WWP2: variants seen among roughly 807,000 people sequenced by gnomAD.
WWP2 encodes NEDD4-like E3 ubiquitin-protein ligase WWP2.
In WWP2, 57 loss-of-function variants were observed where a neutral mutation model predicts 121.0. That is an observed-to-expected ratio of 0.47 (90% confidence interval 0.38 to 0.59). WWP2 has a LOEUF of 0.59. WWP2 is among the 20% of genes least tolerant of loss of function. The pLI, the probability that WWP2 is intolerant of heterozygous loss-of-function variation, is 0.00. For missense variants in WWP2, 962 were observed against 1,158.9 expected (o/e 0.83, Z 2.47); for synonymous variants, 449 against 441.3 (o/e 1.02, Z -0.22).
chr16:69,869,287 A>G (rs576873063), intron 6 of WWP2, among the ~76,000 whole-genome samples: 1 of 151,290 alleles, frequency 6.6e-6, no homozygotes, highest in African/African-American at 2.4e-5. Context: ...CTCTGTCTCC[A>G]TTGCCATGCA....
At chr16:69,798,036 C>G (rs536062793) in intron 2 of WWP2, among the ~76,000 whole-genome samples, 2 of 152,226 alleles carry the variant, frequency 1.3e-5, no homozygotes, top group Non-Finnish European at 2.9e-5. Context: ...TGTCTTTACA[C>G]CATGCGTTTT....
intron 6 of WWP2, among the ~76,000 whole-genome samples, chr16:69,848,210 G>A (rs2057123119): frequency 6.6e-6 from 1 of 152,192 alleles, no homozygotes; most frequent in South Asian, 2.1e-4. Flanking sequence ...CAGCGCTTTG[G>A]GAGGCTGAGG....
chr16:69,914,595 G>A (rs550173186), intron 9 of WWP2, among the ~76,000 whole-genome samples: 7 of 152,012 alleles, frequency 4.6e-5, no homozygotes, highest in South Asian at 2.1e-4. Flanking sequence ...CTATCTCTTA[G>A]AAAAACAAAA....
Position 69,940,100 on chromosome 16 carries a change from G to T in WWP2, c.*160G>T, listed in dbSNP as rs2058860081. ...TGCTGGCAGAAAAGCCTGATCCCAG[G>T]AGGCCCTGCAGTTCCCCCGACCCGC... On this transcript the variant is annotated 3_prime_UTR_variant, in exon 24 of 24. Transcript: ENST00000359154. 1 of 637,440 alleles carries T rather than the reference G, an allele frequency of 1.6e-6. No homozygotes were observed. Among genetic ancestry groups the T allele is most frequent in the African/African-American group, 1.8e-5 (1 of 54,436 alleles). The allele number at this position is 637,440 out of a possible 1,614,324, so 39.5% of individuals were successfully genotyped here. A position where few individuals can be genotyped will look rare whatever the true frequency, so the allele number is the denominator to read the frequency against.
Position 69,888,103 on chromosome 16 carries a change from A to C in WWP2, c.768A>C (p.Pro256=), listed in dbSNP as rs1237486707. ...EEPSVVGVTS[P]PAAPLSVTPN... Reference sequence around the variant, plus strand: ...CTTCCGTTGTTGGTGTGACGTCCCCACCTGCTGCACCCTTGAGTGTGACCC... The same window carrying C: ...CTTCCGTTGTTGGTGTGACGTCCCCCCCTGCTGCACCCTTGAGTGTGACCC... Residue 256 remains proline (P), a synonymous_variant, in exon 8 of 24, where the codon CCA becomes CCC. Coordinates refer to ENST00000359154, the MANE Select transcript of WWP2 (RefSeq NM_001270454.2). The C allele has an allele frequency of 3.1e-6, 5 of 1,614,202 alleles. No homozygotes were observed. Among genetic ancestry groups the C allele is most frequent in the Admixed American group, 1.7e-5 (1 of 60,022 alleles).
At chr16:69,909,402 T>C in intron 9 of WWP2, 1 of 985,844 alleles carries the variant, frequency 1.0e-6, no homozygotes, top group Non-Finnish European at 1.2e-6. Flanking sequence ...ACACTTCCCC[T>C]GCCCTGAGTT....
At position 69,937,423 on chromosome 16, in the gene WWP2, C is replaced by A; in HGVS notation, c.2239-125C>A. On this transcript the variant is annotated intron_variant, in intron 20 of 23. Coordinates refer to ENST00000359154, the MANE Select transcript of WWP2 (RefSeq NM_001270454.2). The surrounding 1 kb of genome is among the most constrained non-coding windows in gnomAD (Gnocchi z 6.6). ...TCAAGAAAGCAGGGACTTACATTACCCATATTATTAACGCTGACACCAAAA... is the reference window on the plus strand; with the variant it reads ...TCAAGAAAGCAGGGACTTACATTACACATATTATTAACGCTGACACCAAAA... 7.4e-7 allele frequency: 1 copy of A among 1,347,136 alleles called. No homozygotes were observed. 83.4% of individuals were successfully genotyped at this position (1,347,136 alleles called of 1,614,324 possible). A position where few individuals can be genotyped will look rare whatever the true frequency, so the allele number is the denominator to read the frequency against.
At chr16:69,915,759 T>C (rs994078724) in intron 9 of WWP2, among the ~76,000 whole-genome samples, 2 of 151,984 alleles carry the variant, frequency 1.3e-5, no homozygotes, top group South Asian at 4.1e-4. Context: ...TCGGGCCGGG[T>C]GCAGGGGCTC....
chr16:69,871,327 G>A (rs2057632773), intron 6 of WWP2, among the ~76,000 whole-genome samples: 1 of 152,184 alleles, frequency 6.6e-6, no homozygotes, highest in African/African-American at 2.4e-5. Flanking sequence ...CATATGCATT[G>A]ACTAAAAGTT....
intron 1 of WWP2, among the ~76,000 whole-genome samples, chr16:69,775,402 G>A (rs187373234): frequency 8.5e-4 from 129 of 152,222 alleles, no homozygotes; most frequent in Middle Eastern, 6.8e-3. Flanking sequence ...ATGTTTTGGG[G>A]TAAGGTATCT....
At chr16:69,923,501 CAGTAA>C (rs2058594748) in intron 10 of WWP2, among the ~76,000 whole-genome samples, 2 of 152,086 alleles carry the variant, frequency 1.3e-5, no homozygotes, top group Non-Finnish European at 2.9e-5. Context: ...GGGAGACTGT[CAGTAA>C]AGACCTTTTT....
At chr16:69,896,078 G>A (rs1446351291) in intron 8 of WWP2, among the ~76,000 whole-genome samples, 1 of 152,170 alleles carries the variant, frequency 6.6e-6, no homozygotes, top group Non-Finnish European at 1.5e-5. Context: ...TTCACCTTAT[G>A]TGTATGTATT....
At chr16:69,765,155 C>A (rs1567650568) in intron 1 of WWP2, among the ~76,000 whole-genome samples, 1 of 151,922 alleles carries the variant, frequency 6.6e-6, no homozygotes, top group African/African-American at 2.4e-5. Flanking sequence ...TGTGATCGTG[C>A]CACTCATTGC....
chr16:69,814,157 T>C (rs1451121117), intron 4 of WWP2, among the ~76,000 whole-genome samples: 1 of 151,678 alleles, frequency 6.6e-6, no homozygotes, highest in Non-Finnish European at 1.5e-5. Context: ...AAATGTGGGG[T>C]CGTTTGTTTG....
intron 6 of WWP2, among the ~76,000 whole-genome samples, chr16:69,846,069 A>AAAAAAAAAAAAAT (rs1335612452): frequency 6.7e-6 from 1 of 150,182 alleles, no homozygotes; most frequent in Non-Finnish European, 1.5e-5. Flanking sequence ...AAAAAAAAAA[A>AAAAAAAAAAAAAT]AGAATACTTA....
intron 4 of WWP2, among the ~76,000 whole-genome samples, chr16:69,826,963 G>C (rs8050295): frequency 0.15 from 3,323 of 21,918 alleles, 215 homozygotes; most frequent in African/African-American, 0.19. Flanking sequence ...AAGGGGGGGG[G>C]GCGGAGAGAA....
rs568819638 is a variant in WWP2, at chr16:69,935,209, G to A, written c.1843-644G>A. Among the ~76,000 whole-genome samples, 1 of 152,220 alleles carries A rather than the reference G, an allele frequency of 6.6e-6. No individual in the cohort carries two copies. The highest frequency in any genetic ancestry group is 6.5e-5 in the Admixed American group (1 of 15,290). The stretch of plus-strand genomic sequence containing the variant: ...CCCTGCCTTCCTGAGTGTCCCACCC[G>A]GCTCCCCTCTTAGGAGGACCCAAGC... On this transcript the variant is annotated intron_variant, in intron 17 of 23. Transcript: ENST00000359154. This position sits in a 1 kb window ranked among gnomAD's most constrained non-coding sequence, Gnocchi z 5.2.
intron 9 of WWP2, among the ~76,000 whole-genome samples, chr16:69,912,369 TCACACA>T (rs3051446): frequency 0.49 from 68,825 of 139,932 alleles, 16,812 homozygotes; most frequent in African/African-American, 0.6. Flanking sequence ...GGAGTTAGAT[TCACACA>T]CACACACACA....
chr16:69,859,529 C>T (rs1386201122), intron 6 of WWP2, among the ~76,000 whole-genome samples: 1 of 151,824 alleles, frequency 6.6e-6, no homozygotes, highest in African/African-American at 2.4e-5. Flanking sequence ...GCACTCCAGC[C>T]TGGGCGACAG....
Sources: allele counts gnomAD v4.1 joint callset (sites outside exome capture counted in the v4.1 genomes callset), GRCh38; gene constraint gnomAD v4.1.1; non-coding constraint Gnocchi (gnomAD v3.1); transcripts MANE v1.5; gene names NCBI Gene and HGNC (gene_info 2026-07-23, HGNC 2026-07-21).